The following DDX10 variants were observed in gnomAD, a reference collection of about 807,000 sequenced individuals.
The protein encoded by DDX10 is DEAD-box helicase 10, also known as probable ATP-dependent RNA helicase DDX10.
DDX10 carries 74 observed loss-of-function variants against 104.3 expected under a neutral mutation model. That is an observed-to-expected ratio of 0.71 (90% CI 0.59 to 0.86). DDX10 has a LOEUF of 0.86. Ranked by LOEUF, DDX10 falls within the 40% of genes least tolerant of loss-of-function variation. DDX10 has a pLI of 0.00. For missense variants in DDX10, 952 were observed against 1,040.0 expected (o/e 0.92, Z 1.16); for synonymous variants, 351 against 353.4 (o/e 0.99, Z 0.08).
intron 13 of DDX10, among the ~76,000 whole-genome samples, chr11:108,732,613 G>C (rs1261573773): frequency 6.6e-6 from 1 of 152,156 alleles, no homozygotes; most frequent in Non-Finnish European, 1.5e-5. Flanking sequence ...ATGCAGTGAA[G>C]GACAACAAGA....
chr11:108,714,528 C>CTTTTTTT (rs11355789), intron 10 of DDX10, among the ~76,000 whole-genome samples: 1 of 142,188 alleles, frequency 7.0e-6, no homozygotes, highest in Non-Finnish European at 1.6e-5. Context: ...AAGTCTGACT[C>CTTTTTTT]TTTTTTTTTT....
At chr11:108,926,644 C>T (rs1041955939) in intron 17 of DDX10, among the ~76,000 whole-genome samples, 4 of 152,132 alleles carry the variant, frequency 2.6e-5, no homozygotes, top group African/African-American at 9.7e-5. Flanking sequence ...TTTTCACTAC[C>T]GATTCTACAT....
chr11:108,874,860 C>G (rs1245680562), intron 16 of DDX10, among the ~76,000 whole-genome samples: 1 of 152,134 alleles, frequency 6.6e-6, no homozygotes, highest in Admixed American at 6.6e-5. Context: ...TGCATTACTT[C>G]AGCTGAGTTC....
chr11:108,772,792 A>T (rs1252368825), intron 13 of DDX10, among the ~76,000 whole-genome samples: 1 of 152,212 alleles, frequency 6.6e-6, no homozygotes, highest in Non-Finnish European at 1.5e-5. Context: ...TGAACTGCAC[A>T]TGTGAGGGAT....
chr11:108,737,575 A>T (rs1192130600), intron 13 of DDX10, among the ~76,000 whole-genome samples: 1 of 152,220 alleles, frequency 6.6e-6, no homozygotes, highest in Non-Finnish European at 1.5e-5. Flanking sequence ...TAAACTGGGC[A>T]CTGTAAATGT....
At chr11:108,706,888 T>C (rs747967356) in intron 10 of DDX10, 51 bp downstream of exon 10, 1 of 1,485,848 alleles carries the variant, frequency 6.7e-7, no homozygotes, top group Non-Finnish European at 9.4e-7. Flanking sequence ...GGGCATGAAA[T>C]TGTTTGCTTA....
At chr11:108,925,346 C>T (rs1470194758) in intron 17 of DDX10, among the ~76,000 whole-genome samples, 1 of 152,112 alleles carries the variant, frequency 6.6e-6, no homozygotes, top group Non-Finnish European at 1.5e-5. Context: ...ATCATTTAGT[C>T]AACCATTATA....
intron 13 of DDX10, among the ~76,000 whole-genome samples, chr11:108,801,770 T>A (rs918216250): frequency 5.8e-4 from 88 of 152,122 alleles, no homozygotes; most frequent in African/African-American, 2.1e-3. Context: ...TCTATGCTCT[T>A]AACCAATGTA....
At chr11:108,919,470 C>G (rs1455417694) in intron 17 of DDX10, 1 of 152,180 alleles carries the variant, frequency 6.6e-6, no homozygotes, top group Non-Finnish European at 1.5e-5. Context: ...CCAGTGGGGT[C>G]AGGTTTGCTT....
intron 10 of DDX10, among the ~76,000 whole-genome samples, chr11:108,714,336 G>A (rs2094288520): frequency 6.6e-6 from 1 of 152,084 alleles, no homozygotes; most frequent in South Asian, 2.1e-4. Flanking sequence ...CAAGTAAGCT[G>A]TGATCCCTGT....
At chr11:108,897,168 G>A (rs543207385) in intron 16 of DDX10, among the ~76,000 whole-genome samples, 4 of 152,234 alleles carry the variant, frequency 2.6e-5, no homozygotes, top group Admixed American at 6.5e-5. Flanking sequence ...CAAAGAGGCG[G>A]AAAGCAGGCC....
intron 13 of DDX10, among the ~76,000 whole-genome samples, chr11:108,781,858 A>G (rs1341707870): frequency 6.6e-6 from 1 of 152,012 alleles, no homozygotes; most frequent in East Asian, 1.9e-4. Context: ...TCTATTTTTA[A>G]TTTCTCTTTA....
At chr11:108,922,237 C>G (rs1402883237) in intron 17 of DDX10, 1 of 32,912 alleles carries the variant, frequency 3.0e-5, no homozygotes, top group African/African-American at 1.3e-4. Flanking sequence ...GAGGGAGACT[C>G]CATCTCAAAA....
At chr11:108,728,588 C>T (rs1029639469) in intron 13 of DDX10, among the ~76,000 whole-genome samples, 1 of 145,510 alleles carries the variant, frequency 6.9e-6, no homozygotes, top group Non-Finnish European at 1.5e-5. Context: ...GATTGTGGCT[C>T]ACTGTACCCC....
chr11:108,743,044 A>G (rs1478799982), intron 13 of DDX10, among the ~76,000 whole-genome samples: 1 of 152,190 alleles, frequency 6.6e-6, no homozygotes, highest in Non-Finnish European at 1.5e-5. Flanking sequence ...GGCCAGTATC[A>G]TCCTGATACC....
intron 13 of DDX10, among the ~76,000 whole-genome samples, chr11:108,783,526 A>G (rs1861741994): frequency 6.6e-6 from 1 of 152,140 alleles, no homozygotes; most frequent in Non-Finnish European, 1.5e-5. Flanking sequence ...TGGATGTACA[A>G]ACTGGGAGAT....
intron 16 of DDX10, among the ~76,000 whole-genome samples, chr11:108,896,354 A>ATT (rs11447538): frequency 1.0e-3 from 155 of 148,468 alleles, no homozygotes; most frequent in African/African-American, 2.3e-3. Flanking sequence ...TCCTTCACAT[A>ATT]TTTTTTTTTT....
chr11:108,716,058 C>T, intron 11 of DDX10, 92 bp downstream of exon 11: 1 of 740,074 alleles, frequency 1.4e-6, no homozygotes, highest in Non-Finnish European at 2.3e-6. Context: ...GTTTATGCTT[C>T]AGATATTCAA....
chr11:108,827,845 C>T (rs984793471), intron 13 of DDX10, among the ~76,000 whole-genome samples: 1 of 152,138 alleles, frequency 6.6e-6, no homozygotes, highest in Non-Finnish European at 1.5e-5. Context: ...AACTTTGTTC[C>T]TGTAATAACA....
Sources: allele counts gnomAD v4.1 joint callset (sites outside exome capture counted in the v4.1 genomes callset), GRCh38; gene constraint gnomAD v4.1.1; transcripts MANE v1.5; gene names NCBI Gene and HGNC (gene_info 2026-07-23, HGNC 2026-07-21).